ADGRB3: variants seen among roughly 807,000 people sequenced by gnomAD.
The protein encoded by ADGRB3 is adhesion G protein-coupled receptor B3.
In ADGRB3, 37 loss-of-function variants were observed where a neutral mutation model predicts 193.4. The ratio of observed to expected loss-of-function variants is 0.19; its 90% CI spans 0.15 to 0.25. The LOEUF (loss-of-function observed/expected upper bound fraction) is 0.25. ADGRB3 is among the 10% of genes least tolerant of loss of function. ADGRB3 has a pLI of 1.00. For missense variants in ADGRB3, 1,637 were observed against 1,852.9 expected (o/e 0.88, Z 2.14); for synonymous variants, 690 against 644.2 (o/e 1.07, Z -1.08).
chr6:69,196,513 A>G (rs1469365306), intron 17 of ADGRB3, among the ~76,000 whole-genome samples: 1 of 152,104 alleles, frequency 6.6e-6, no homozygotes, highest in Non-Finnish European at 1.5e-5. Flanking sequence ...TTATCTTTAC[A>G]TAGCCTTTTC....
At position 69,310,249 on chromosome 6, in the gene ADGRB3, G is replaced by A. The variant is rs552936311; in HGVS notation, c.2815-14623G>A. 2.6e-5 allele frequency among the ~76,000 whole-genome samples: 4 copies of A among 151,742 alleles called. No homozygotes were observed. In the South Asian group the frequency reaches 8.3e-4, roughly 31 times the overall value. ...AATTTAAATATGATAAGACGAAATG[G>A]TATAATGCATGACATTTCATACTGA... On this transcript the variant is annotated intron_variant, in intron 20 of 31. Coordinates refer to ENST00000370598, the MANE Select transcript of ADGRB3 (RefSeq NM_001704.3).
chr6:69,321,781 T>C (rs1768461391), intron 20 of ADGRB3, among the ~76,000 whole-genome samples: 1 of 151,824 alleles, frequency 6.6e-6, no homozygotes, highest in South Asian at 2.1e-4. Flanking sequence ...AAAGTTATAT[T>C]GTAAAGACTT....
intron 23 of ADGRB3, 33 bp from the exon 24 acceptor site, chr6:69,332,890 C>A: frequency 6.2e-7 from 1 of 1,609,898 alleles, no homozygotes. Context: ...CCTTCAATAT[C>A]ATTGAAAGGT....
At chr6:68,991,753 C>G (rs944716100) in intron 10 of ADGRB3, among the ~76,000 whole-genome samples, 2 of 152,056 alleles carry the variant, frequency 1.3e-5, no homozygotes, top group African/African-American at 4.8e-5. Context: ...CGTGTATGCT[C>G]TAGCTTCTGC....
chr6:68,753,792 G>A (rs967306157), intron 3 of ADGRB3, among the ~76,000 whole-genome samples: 1 of 152,156 alleles, frequency 6.6e-6, no homozygotes, highest in Non-Finnish European at 1.5e-5. Context: ...GGTTGGGGAC[G>A]CTGGGTGTAT....
intron 20 of ADGRB3, among the ~76,000 whole-genome samples, chr6:69,270,644 A>G (rs1414318939): frequency 2.0e-5 from 3 of 152,320 alleles, no homozygotes; most frequent in African/African-American, 7.2e-5. Flanking sequence ...TATTGAGTCA[A>G]TCAAACACAT....
intron 20 of ADGRB3, among the ~76,000 whole-genome samples, chr6:69,281,782 G>C (rs1321062725): frequency 6.6e-6 from 1 of 152,144 alleles, no homozygotes; most frequent in Admixed American, 6.5e-5. Context: ...TCTGTGTTGG[G>C]TGCCAATTGA....
rs183548747 is a variant in ADGRB3 at position 69,227,654 on chromosome 6, A to G, written c.2481-5636A>G. On this transcript the variant is annotated intron_variant, in intron 17 of 31. Coordinates refer to ENST00000370598, the MANE Select transcript of ADGRB3 (RefSeq NM_001704.3). ...TCAGCTTCTCTAAGAAACTAACTACATTTTGTTCATGTGTCTTCTACTTCA... is the reference window on the plus strand; with the variant it reads ...TCAGCTTCTCTAAGAAACTAACTACGTTTTGTTCATGTGTCTTCTACTTCA... Among the ~76,000 whole-genome samples the G allele has an allele frequency of 3.3e-5, 5 of 152,278 alleles. No individual in the cohort carries two copies. The East Asian group carries it at 9.7e-4, about 29-fold the overall frequency.
chr6:68,931,319 C>T (rs993621777), intron 4 of ADGRB3, among the ~76,000 whole-genome samples: 3 of 151,874 alleles, frequency 2.0e-5, no homozygotes, highest in Non-Finnish European at 4.4e-5. Context: ...CCAAATATAT[C>T]TGTAAATATT....
At chr6:69,113,825 A>C (rs1380219192) in intron 17 of ADGRB3, among the ~76,000 whole-genome samples, 1 of 152,160 alleles carries the variant, frequency 6.6e-6, no homozygotes, top group Non-Finnish European at 1.5e-5. Context: ...AGATAATTGA[A>C]TGACTATTAC....
At chr6:69,380,394 G>A (rs1769921377) in intron 30 of ADGRB3, among the ~76,000 whole-genome samples, 1 of 151,910 alleles carries the variant, frequency 6.6e-6, no homozygotes. Flanking sequence ...GATAATTGGA[G>A]ACTTCACAAA....
chr6:68,733,663 T>TC lies in ADGRB3; in HGVS notation c.757+94231_757+94232insC, dbSNP rs1554184849. Among the ~76,000 whole-genome samples the TC allele has an allele frequency of 1.6e-3, 239 of 151,190 alleles. 3 individuals carry two copies. The highest frequency in any genetic ancestry group is 5.7e-3 in the African/African-American group (232 of 40,970). The stretch of plus-strand genomic sequence containing the variant: ...TGGATACCAGAGCTGGGAAGGCTAG[T>TC]GGGGTTTGGAGGGCAGTGAGGATGG... On this transcript the variant is annotated intron_variant, in intron 3 of 31. Transcript: ENST00000370598.
intron 3 of ADGRB3, among the ~76,000 whole-genome samples, chr6:68,817,304 CATGTATATATATATATATATAT>C (rs1331568945): frequency 0.059 from 3,379 of 57,074 alleles, 163 homozygotes; most frequent in East Asian, 0.096. Context: ...CCCTTTTGTC[CATGTATATATATATATATATAT>C]ATATATATAT....
intron 17 of ADGRB3, among the ~76,000 whole-genome samples, chr6:69,111,987 T>C (rs1427232091): frequency 1.3e-5 from 2 of 152,246 alleles, no homozygotes; most frequent in Non-Finnish European, 2.9e-5. Flanking sequence ...AACTGTTTAA[T>C]CATTTGGTGG....
rs559887092 is a variant in ADGRB3 at position 68,880,593 on chromosome 6, C to T, written c.758-49966C>T. Among the ~76,000 whole-genome samples the T allele has an allele frequency of 3.9e-5, 6 of 152,264 alleles. No homozygotes were observed. In the South Asian group the frequency reaches 8.3e-4, roughly 21 times the overall value. Reference sequence around the variant, plus strand: ...CTCCTGAAGCTAATTCATACTACAGCGTAAATAACTTCTGGGTCAATGCTC... The same window carrying T: ...CTCCTGAAGCTAATTCATACTACAGTGTAAATAACTTCTGGGTCAATGCTC... On this transcript the variant is annotated intron_variant, in intron 3 of 31. Transcript: ENST00000370598.
At chr6:69,170,197 A>T (rs900001216) in intron 17 of ADGRB3, among the ~76,000 whole-genome samples, 1 of 152,280 alleles carries the variant, frequency 6.6e-6, no homozygotes, top group African/African-American at 2.4e-5. Flanking sequence ...CCAAATTTTT[A>T]TAATAAGGCC....
intron 3 of ADGRB3, among the ~76,000 whole-genome samples, chr6:68,772,342 A>T (rs1157899435): frequency 1.3e-5 from 2 of 152,086 alleles, no homozygotes; most frequent in African/African-American, 4.8e-5. Context: ...ATGGATAAGT[A>T]GATTTCAGAA....
chr6:69,366,960 A>G (rs1355054004), intron 29 of ADGRB3, among the ~76,000 whole-genome samples: 1 of 152,134 alleles, frequency 6.6e-6, no homozygotes, highest in Non-Finnish European at 1.5e-5. Context: ...TATGGCAGAG[A>G]CAGACAACCA....
intron 3 of ADGRB3, among the ~76,000 whole-genome samples, chr6:68,789,031 T>G: frequency 6.6e-6 from 1 of 152,136 alleles, no homozygotes; most frequent in Non-Finnish European, 1.5e-5. Context: ...ATCCCTTTAT[T>G]TTGAGCCTAT....
Sources: gnomAD v4.1 joint callset for allele counts (sites outside exome capture counted in the v4.1 genomes callset) on GRCh38, gnomAD v4.1.1 for gene constraint, MANE v1.5 for transcripts, NCBI Gene and HGNC (gene_info 2026-07-23, HGNC 2026-07-21) for gene names.